The following EIF2B3 variants were observed in gnomAD, a reference collection of about 807,000 sequenced individuals.
The protein encoded by EIF2B3 is translation initiation factor eIF2B subunit gamma.
A neutral mutation model predicts 54.1 loss-of-function variants in EIF2B3; 20 were observed. The observed-to-expected ratio is 0.37, with a 90% confidence interval of 0.26 to 0.54. EIF2B3 has a LOEUF of 0.54. EIF2B3 is among the 20% of genes least tolerant of loss of function. The probability of loss-of-function intolerance (pLI) is 0.86; values close to 1 mark genes in which losing one functional copy is unlikely to be tolerated. For synonymous variants in EIF2B3, 153 were observed against 188.1 expected (o/e 0.81, Z 1.52); for missense variants, 448 against 547.8 (o/e 0.82, Z 1.82).
chr1:44,852,637 G>T (rs929759087), intron 11 of EIF2B3, among the ~76,000 whole-genome samples: 3 of 151,954 alleles, frequency 2.0e-5, no homozygotes, highest in Non-Finnish European at 4.4e-5. Context: ...AAATTAGCCA[G>T]GCATGGTGGC....
chr1:44,962,791 G>A (rs373390965), intron 3 of EIF2B3, among the ~76,000 whole-genome samples: 1 of 152,244 alleles, frequency 6.6e-6, no homozygotes, highest in African/African-American at 2.4e-5. Flanking sequence ...ACTTGCTTCC[G>A]GCTGTCATTC....
At chr1:44,934,679 A>G (rs1194913085) in intron 4 of EIF2B3, among the ~76,000 whole-genome samples, 3 of 151,782 alleles carry the variant, frequency 2.0e-5, no homozygotes, top group African/African-American at 7.2e-5. Flanking sequence ...TAATTTTTGT[A>G]TTTTTAGTAG....
intron 6 of EIF2B3, among the ~76,000 whole-genome samples, chr1:44,892,132 C>T (rs1655816317): frequency 6.6e-6 from 1 of 152,220 alleles, no homozygotes; most frequent in Non-Finnish European, 1.5e-5. Context: ...TTGAAAGTCA[C>T]TCCACATCTG....
At position 44,857,806 on chromosome 1, in the gene EIF2B3, T is replaced by C; in HGVS notation, c.1204A>G (p.Ser402Gly). The C allele has an allele frequency of 1.9e-6, 3 of 1,614,036 alleles. No individual in the cohort carries two copies. Among genetic ancestry groups the C allele is most frequent in the Non-Finnish European group, 2.5e-6 (3 of 1,179,916 alleles). Residue 402 changes from serine to glycine, a missense_variant and splice_region_variant, in exon 11 of 12, where the codon AGC becomes GGC. Physicochemically the swap from Ser to Gly is moderately conservative, Grantham distance 56. Around this residue, in one of 3 missense-constraint regions of EIF2B3, gnomAD observed 350 missense variants for 414.2 expected, o/e 0.85. Coordinates refer to ENST00000360403, the MANE Select transcript of EIF2B3 (RefSeq NM_020365.5). Reference sequence around the variant, plus strand: ...CAGATGACACTGCCTTGGATATTGCTTCTGTAACACAGTAGCCAAGTTAGG... The same window carrying C: ...CAGATGACACTGCCTTGGATATTGCCTCTGTAACACAGTAGCCAAGTTAGG... ...LMNSVTVEEG[S>G]NIQGSVICNN...
chr1:44,915,742 A>G (rs1461635918), intron 5 of EIF2B3, among the ~76,000 whole-genome samples: 3 of 152,180 alleles, frequency 2.0e-5, no homozygotes, highest in African/African-American at 7.2e-5. Flanking sequence ...ACTGTTATAA[A>G]AAACAAAATG....
At position 44,874,765 on chromosome 1, in the gene EIF2B3, C is replaced by G; in HGVS notation, c.1115G>C (p.Arg372Pro). The change falls in exon 10 of 12, where the codon CGC becomes CCC. Residue 372 changes from arginine to proline, a missense_variant. By Grantham distance (103) the Arg-to-Pro change is moderately radical (BLOSUM62 -2). Coordinates refer to ENST00000360403, the MANE Select transcript of EIF2B3 (RefSeq NM_020365.5). The part of the protein sequence containing the change: ...TQIGEKSSIK[R>P]SVIGSSCLIK... ...GAGACAGGATGAGCCAATGACTGAG[C>G]GCTTAATGGATGACTTCTCTCCAAT... 2 of 1,614,060 alleles carry G rather than the reference C, an allele frequency of 1.2e-6. No homozygotes were observed. The highest frequency in any genetic ancestry group is 1.7e-6 in the Non-Finnish European group (2 of 1,180,026).
chr1:44,900,799 G>A (rs575522485), intron 5 of EIF2B3, among the ~76,000 whole-genome samples: 3 of 152,110 alleles, frequency 2.0e-5, no homozygotes, highest in Admixed American at 6.5e-5. Context: ...CAAAGTTTTG[G>A]TCTGCATTTC....
At chr1:44,877,192 TAAAAAAAAAAAAAAA>T (rs768263508) in intron 8 of EIF2B3, among the ~76,000 whole-genome samples, 7 of 52,056 alleles carry the variant, frequency 1.3e-4, no homozygotes, top group South Asian at 8.2e-4. Context: ...GAATGATCAA[TAAAAAAAAAAAAAAA>T]AAAAAAAAAA....
intron 4 of EIF2B3, among the ~76,000 whole-genome samples, chr1:44,934,342 G>C (rs1643924012): frequency 6.6e-6 from 1 of 152,132 alleles, no homozygotes; most frequent in Admixed American, 6.5e-5. Flanking sequence ...AGGTTGCAGT[G>C]AGCCAAGATT....
intron 5 of EIF2B3, among the ~76,000 whole-genome samples, chr1:44,904,715 G>A (rs565711630): frequency 6.6e-6 from 1 of 152,104 alleles, no homozygotes; most frequent in East Asian, 1.9e-4. Context: ...GGGTTTCACC[G>A]TGTTAGCCAG....
At chr1:44,964,002 G>C (rs1487356812) in intron 3 of EIF2B3, among the ~76,000 whole-genome samples, 1 of 151,968 alleles carries the variant, frequency 6.6e-6, no homozygotes, top group African/African-American at 2.4e-5. Flanking sequence ...CTATCCCACA[G>C]ATCAGAGTTC....
chr1:44,882,960 C>T (rs1409920648), intron 6 of EIF2B3, among the ~76,000 whole-genome samples: 10 of 124,180 alleles, frequency 8.1e-5, no homozygotes, highest in Non-Finnish European at 1.5e-4. Flanking sequence ...GATGGAGTCT[C>T]GCTCTGTGGC....
At chr1:44,941,412 G>T in intron 4 of EIF2B3, 94 bp downstream of exon 4, 1 of 1,402,642 alleles carries the variant, frequency 7.1e-7, no homozygotes, top group South Asian at 1.4e-5. Context: ...GTGATGTATA[G>T]TAGATTCTTA....
rs182260067 is a variant in EIF2B3, at chr1:44,874,098, G to A, written c.1202+580C>T. ...TGTCAAGTTGGTGCTCAAAAGTTTC[G>A]GATTTTGGAGCATTTGATTTTGGGT... On this transcript the variant is annotated intron_variant, in intron 10 of 11. Coordinates refer to ENST00000360403, the MANE Select transcript of EIF2B3 (RefSeq NM_020365.5). Among the ~76,000 whole-genome samples the A allele has an allele frequency of 6.3e-3, 951 of 152,090 alleles. 12 individuals carry two copies. The highest frequency in any genetic ancestry group is 0.014 in the Middle Eastern group (4 of 294).
chr1:44,910,111 T>C (rs1002086562), intron 5 of EIF2B3, among the ~76,000 whole-genome samples: 6 of 152,194 alleles, frequency 3.9e-5, no homozygotes, highest in African/African-American at 1.4e-4. Context: ...CAATGTAACA[T>C]TGGGGAAAAG....
At chr1:44,928,781 T>C (rs1000476458) in intron 4 of EIF2B3, among the ~76,000 whole-genome samples, 11 of 152,200 alleles carry the variant, frequency 7.2e-5, no homozygotes, top group Admixed American at 2.0e-4. Flanking sequence ...TTCTTTTCTA[T>C]CTCCCATAAC....
At chr1:44,917,364 A>C (rs897825602) in intron 5 of EIF2B3, among the ~76,000 whole-genome samples, 2 of 152,098 alleles carry the variant, frequency 1.3e-5, no homozygotes, top group East Asian at 1.9e-4. Flanking sequence ...ATAGTGGCTC[A>C]TGCCTATAAT....
At chr1:44,873,022 T>C (rs1308917683) in intron 10 of EIF2B3, among the ~76,000 whole-genome samples, 3 of 152,208 alleles carry the variant, frequency 2.0e-5, no homozygotes, top group Non-Finnish European at 4.4e-5. Flanking sequence ...TCTTCTCAAC[T>C]CAGCGTTAGG....
chr1:44,915,299 C>CA (rs111866175), intron 5 of EIF2B3, among the ~76,000 whole-genome samples: 54 of 144,060 alleles, frequency 3.7e-4, no homozygotes, highest in South Asian at 2.2e-3. Flanking sequence ...GACCCTGTCT[C>CA]AAAAAAAAAA....
Sources: allele counts gnomAD v4.1 joint callset (sites outside exome capture counted in the v4.1 genomes callset), GRCh38; gene constraint gnomAD v4.1.1; regional missense constraint gnomAD v4.1.1; transcripts MANE v1.5; gene names NCBI Gene and HGNC (gene_info 2026-07-23, HGNC 2026-07-21).